The following ERC1 variants were observed in gnomAD, a reference collection of about 807,000 sequenced individuals.
The protein encoded by ERC1 is RAB6 interacting protein 2.
In ERC1, 56 loss-of-function variants were observed where a neutral mutation model predicts 132.0. That is an observed-to-expected ratio of 0.42 (90% CI 0.34 to 0.53). ERC1 has a LOEUF of 0.53. Among genes scored for constraint, ERC1 ranks in the 20% least tolerant of loss-of-function variants. The pLI, the probability that ERC1 is intolerant of heterozygous loss-of-function variation, is 0.03. For synonymous variants in ERC1, 478 were observed against 476.1 expected (o/e 1.00, Z -0.05); for missense variants, 1,202 against 1,349.9 (o/e 0.89, Z 1.72).
At chr12:1,120,419 A>T (rs1946948651) in intron 7 of ERC1, among the ~76,000 whole-genome samples, 1 of 152,216 alleles carries the variant, frequency 6.6e-6, no homozygotes, top group African/African-American at 2.4e-5. Flanking sequence ...GTTAGACAAG[A>T]TAATTATTGT....
chr12:1,071,564 T>A (rs1257417432), intron 2 of ERC1, among the ~76,000 whole-genome samples: 2 of 152,000 alleles, frequency 1.3e-5, no homozygotes, highest in East Asian at 3.9e-4. Context: ...TTTTTTTAAT[T>A]GAGTTGTAGA....
intron 2 of ERC1, among the ~76,000 whole-genome samples, chr12:1,057,142 T>C (rs373956779): frequency 1.2e-4 from 18 of 152,230 alleles, no homozygotes; most frequent in South Asian, 1.0e-3. Flanking sequence ...TTTTTGTTTG[T>C]TTGTTTTGTT....
chr12:1,473,163 T>C (rs188651185), intron 18 of ERC1, among the ~76,000 whole-genome samples: 1 of 152,066 alleles, frequency 6.6e-6, no homozygotes, highest in Non-Finnish European at 1.5e-5. Flanking sequence ...GTAGCTAGGA[T>C]TACAGGCACG....
At chr12:997,760 A>G (rs1961235732) in intron 1 of ERC1, among the ~76,000 whole-genome samples, 1 of 152,194 alleles carries the variant, frequency 6.6e-6, no homozygotes, top group African/African-American at 2.4e-5. Flanking sequence ...GCAGGAAGGA[A>G]GGTACCAGCC....
chr12:1,147,811 C>T (rs1950515610), intron 8 of ERC1, among the ~76,000 whole-genome samples: 1 of 152,168 alleles, frequency 6.6e-6, no homozygotes, highest in Middle Eastern at 3.2e-3. Flanking sequence ...ACTCGATTCA[C>T]CACTGTGCCA....
At chr12:1,242,169 A>G (rs930240097) in intron 13 of ERC1, among the ~76,000 whole-genome samples, 6 of 152,066 alleles carry the variant, frequency 3.9e-5, no homozygotes, top group African/African-American at 1.4e-4. Flanking sequence ...TTTGTTTACA[A>G]AGTCAGTAGG....
At chr12:1,026,466 G>A (rs936461969) in intron 1 of ERC1, among the ~76,000 whole-genome samples, 17 of 152,178 alleles carry the variant, frequency 1.1e-4, no homozygotes, top group Non-Finnish European at 2.1e-4. Flanking sequence ...TCTTGGGCTA[G>A]TACTATACAG....
intron 15 of ERC1, among the ~76,000 whole-genome samples, chr12:1,314,749 G>GT (rs2081568929): frequency 6.6e-6 from 1 of 151,884 alleles, no homozygotes. Context: ...ATATGTTTTC[G>GT]TTTTACCTTA....
intron 15 of ERC1, among the ~76,000 whole-genome samples, chr12:1,293,325 C>A (rs559706648): frequency 6.8e-6 from 1 of 146,238 alleles, no homozygotes; most frequent in Non-Finnish European, 1.5e-5. Flanking sequence ...TGGTGGCGGG[C>A]GCCTGTAGTC....
At chr12:1,097,452 T>C (rs1369992530) in intron 3 of ERC1, among the ~76,000 whole-genome samples, 2 of 152,224 alleles carry the variant, frequency 1.3e-5, no homozygotes, top group African/African-American at 4.8e-5. Flanking sequence ...GACCTTTTAG[T>C]GTCTCTACTA....
chr12:1,037,066 GCTT>G (rs1969225966), intron 2 of ERC1, among the ~76,000 whole-genome samples: 2 of 152,312 alleles, frequency 1.3e-5, no homozygotes, highest in African/African-American at 4.8e-5. Context: ...TGGGAAATTT[GCTT>G]CTTTTACAGT....
chr12:1,263,187 C>G (rs768012516), intron 14 of ERC1, 22 bp downstream of exon 14: 1 of 1,612,098 alleles, frequency 6.2e-7, no homozygotes, highest in Non-Finnish European at 8.5e-7. Flanking sequence ...TATACAGTTC[C>G]AAGCAATGCT....
intron 17 of ERC1, among the ~76,000 whole-genome samples, chr12:1,409,319 C>T (rs2091704263): frequency 6.6e-6 from 1 of 152,144 alleles, no homozygotes; most frequent in African/African-American, 2.4e-5. Context: ...ACCTTTTCTG[C>T]CTGCTTCCTG....
chr12:1,298,486 T>C (rs1594846832), intron 15 of ERC1, among the ~76,000 whole-genome samples: 1 of 145,100 alleles, frequency 6.9e-6, no homozygotes. Context: ...GAGGTTGCAG[T>C]GAGCCAAGAT....
At chr12:1,245,185 T>C (rs1195901291) in intron 13 of ERC1, among the ~76,000 whole-genome samples, 1 of 152,204 alleles carries the variant, frequency 6.6e-6, no homozygotes, top group Admixed American at 6.5e-5. Context: ...TCTCGAGAAA[T>C]TGGAGTATTG....
At position 1,371,923 on chromosome 12, in the gene ERC1, A is replaced by G. The variant is rs540533701; in HGVS notation, c.2871A>G (p.Glu957=). 6 of 1,614,142 alleles carry G rather than the reference A, an allele frequency of 3.7e-6. No homozygotes were observed. The highest frequency in any genetic ancestry group is 1.7e-5 in the Admixed American group (1 of 60,030). Residue 957 remains glutamate (E), a synonymous_variant, in exon 16 of 19, where the codon GAA becomes GAG. Coordinates refer to ENST00000360905, the MANE Select transcript of ERC1 (RefSeq NM_178040.4). ...LSSSKKKTQE[E]VAALKREKDR... ...CCTCTAAGAAGAAGACCCAAGAGGA[A>G]GTGGCTGCCCTGAAGCGGGAGAAGG... is the stretch of plus-strand genomic sequence containing the variant.
chr12:1,481,517 T>A (rs983983388), intron 18 of ERC1, among the ~76,000 whole-genome samples: 3 of 152,178 alleles, frequency 2.0e-5, no homozygotes, highest in Non-Finnish European at 4.4e-5. Flanking sequence ...AAAAATAGAA[T>A]GGATCAAGCG....
At chr12:1,444,969 A>AG (rs2093264399) in intron 18 of ERC1, 4 of 419,404 alleles carry the variant, frequency 9.5e-6, no homozygotes, top group Non-Finnish European at 1.7e-5. Context: ...AGGGGTTTCC[A>AG]GATATAATTT....
intron 14 of ERC1, among the ~76,000 whole-genome samples, chr12:1,272,148 G>T (rs1045150965): frequency 1.3e-5 from 2 of 152,218 alleles, no homozygotes; most frequent in Non-Finnish European, 2.9e-5. Flanking sequence ...TCCCCGAGCT[G>T]TAAAAGAAAT....
Sources: allele counts gnomAD v4.1 joint callset (sites outside exome capture counted in the v4.1 genomes callset), GRCh38; gene constraint gnomAD v4.1.1; transcripts MANE v1.5; gene names NCBI Gene and HGNC (gene_info 2026-07-23, HGNC 2026-07-21).